The following COLEC12 variants were observed in gnomAD, a reference collection of about 807,000 sequenced individuals.
COLEC12 encodes collectin subfamily member 12, also known as collectin-12.
In COLEC12, 33 loss-of-function variants were observed where a neutral mutation model predicts 71.1. The ratio of observed to expected loss-of-function variants is 0.46; its 90% CI spans 0.35 to 0.62. The LOEUF (loss-of-function observed/expected upper bound fraction) is 0.62. COLEC12 is among the 20% of genes least tolerant of loss of function. The pLI, the probability that COLEC12 is intolerant of heterozygous loss-of-function variation, is 0.00. For missense variants in COLEC12, 765 were observed against 916.1 expected, an observed-to-expected ratio of 0.84 and a Z score of 2.13; for synonymous variants, 350 against 353.0, an observed-to-expected ratio of 0.99 and a Z score of 0.10.
chr18:368,929 T>C (rs1914932402), intron 2 of COLEC12, among the ~76,000 whole-genome samples: 1 of 152,096 alleles, frequency 6.6e-6, no homozygotes, highest in African/African-American at 2.4e-5. Flanking sequence ...CAATTTCCCA[T>C]GGGTTTATCA....
rs892773796 is a variant in COLEC12 at position 327,416 on chromosome 18, C to A, written c.2063+4252G>T. ...GGACCCATCCTTGGAACTGTCCGGG[C>A]CATTGCAGGTGGCATCTCACGCCAC... is the stretch of plus-strand genomic sequence containing the variant. On this transcript the variant is annotated intron_variant, in intron 8 of 9. Coordinates refer to ENST00000400256, the MANE Select transcript of COLEC12 (RefSeq NM_130386.3). This position sits in a 1 kb window ranked among gnomAD's most constrained non-coding sequence, Gnocchi z 4.0. 6.6e-6 allele frequency among the ~76,000 whole-genome samples: 1 copy of A among 152,106 alleles called. No individual in the cohort carries two copies. Among genetic ancestry groups the A allele is most frequent in the Non-Finnish European group, 1.5e-5 (1 of 68,032 alleles).
intron 2 of COLEC12, among the ~76,000 whole-genome samples, chr18:456,511 G>A (rs545751640): frequency 1.2e-3 from 188 of 152,248 alleles, no homozygotes; most frequent in African/African-American, 4.2e-3. Context: ...CTCCAGTGCC[G>A]GAACAGCAGG....
At chr18:351,439 C>G (rs1281067641) in intron 3 of COLEC12, among the ~76,000 whole-genome samples, 3 of 152,126 alleles carry the variant, frequency 2.0e-5, no homozygotes, top group Non-Finnish European at 2.9e-5. Context: ...CTGCACTGTG[C>G]TGTCATGACT....
chr18:416,919 T>C (rs1245683803), intron 2 of COLEC12, among the ~76,000 whole-genome samples: 1 of 151,856 alleles, frequency 6.6e-6, no homozygotes, highest in Non-Finnish European at 1.5e-5. Flanking sequence ...GGAAGGGCAT[T>C]CCAGGCAGAG....
At chr18:421,229 A>G (rs9652947) in intron 2 of COLEC12, among the ~76,000 whole-genome samples, 35,871 of 152,166 alleles carry the variant, frequency 0.24, 4,543 homozygotes, top group Middle Eastern at 0.32. Context: ...GATATAAACC[A>G]AATATGTTTT....
intron 9 of COLEC12, among the ~76,000 whole-genome samples, chr18:320,812 C>T (rs1432108323): frequency 6.6e-6 from 1 of 152,184 alleles, no homozygotes; most frequent in Non-Finnish European, 1.5e-5. Flanking sequence ...AACTAAGATG[C>T]CACATTCCAA....
At chr18:472,111 A>G (rs1598375909) in intron 2 of COLEC12, among the ~76,000 whole-genome samples, 1 of 152,094 alleles carries the variant, frequency 6.6e-6, no homozygotes, top group East Asian at 1.9e-4. Flanking sequence ...TCTCACAAGA[A>G]CCCTACAGGC....
At chr18:430,172 T>C (rs1916275373) in intron 2 of COLEC12, among the ~76,000 whole-genome samples, 1 of 152,038 alleles carries the variant, frequency 6.6e-6, no homozygotes, top group African/African-American at 2.4e-5. Flanking sequence ...ACCCTGTCCC[T>C]ACTGAATACA....
chr18:358,201 T>C lies in COLEC12; in HGVS notation c.59-679A>G, dbSNP rs971401966. On this transcript the variant is annotated intron_variant, in intron 2 of 9. Transcript: ENST00000400256. ...AAGGTAGGGGACCACTGTCCTAGAG[T>C]GTACTTACACAGTCCTAGATGGTAT... Among the ~76,000 whole-genome samples the C allele has an allele frequency of 3.3e-5, 5 of 152,230 alleles. No homozygotes were observed. In the South Asian group the frequency reaches 8.3e-4, roughly 25 times the overall value.
chr18:469,124 G>A (rs1365328082), intron 2 of COLEC12, among the ~76,000 whole-genome samples: 1 of 152,230 alleles, frequency 6.6e-6, no homozygotes. Flanking sequence ...CAAAGGAAAG[G>A]GACTTCATAC....
rs535032942 is a variant in COLEC12 at position 484,750 on chromosome 18, C to A, written c.8-3993G>T. On this transcript the variant is annotated intron_variant, in intron 1 of 9. Transcript: ENST00000400256. ...GTTTTCAAAAGTTGACTTTAGAATC[C>A]TCTTTTGCTACCCTTAAGAGTTGGG... Among the ~76,000 whole-genome samples the A allele has an allele frequency of 2.0e-5, 3 of 152,294 alleles. No homozygotes were observed. The East Asian group carries it at 5.8e-4, about 29-fold the overall frequency.
In COLEC12 at chr18:355,793, G is replaced by A. The variant is rs145410265; in HGVS notation, c.181+1607C>T. ...TAAACAAAAGGAAGAGAGATAGTCC[G>A]GATTACCTGGGACATGGAAAACCCT... On this transcript the variant is annotated intron_variant, in intron 3 of 9. Coordinates refer to ENST00000400256, the MANE Select transcript of COLEC12 (RefSeq NM_130386.3). Among the ~76,000 whole-genome samples, 17 of 152,246 alleles carry A rather than the reference G, an allele frequency of 1.1e-4. No homozygotes were observed. In the East Asian group the frequency reaches 1.4e-3, roughly 12 times the overall value.
At chr18:379,675 T>C (rs1915189950) in intron 2 of COLEC12, among the ~76,000 whole-genome samples, 1 of 152,028 alleles carries the variant, frequency 6.6e-6, no homozygotes, top group South Asian at 2.1e-4. Flanking sequence ...TTCTGACAAG[T>C]GATTTAGAGT....
chr18:366,147 A>C (rs1402990424), intron 2 of COLEC12, among the ~76,000 whole-genome samples: 1 of 152,224 alleles, frequency 6.6e-6, no homozygotes, highest in African/African-American at 2.4e-5. Flanking sequence ...CTTATATTCC[A>C]GTGGGAGGAT....
chr18:485,412 G>C (rs191787659), intron 1 of COLEC12, among the ~76,000 whole-genome samples: 18 of 152,320 alleles, frequency 1.2e-4, no homozygotes, highest in Admixed American at 1.2e-3. Flanking sequence ...TCTGTCTGCG[G>C]GGAAGAAGCA....
chr18:341,929 T>A (rs1219117083), intron 5 of COLEC12, among the ~76,000 whole-genome samples: 1 of 152,232 alleles, frequency 6.6e-6, no homozygotes, highest in Admixed American at 6.5e-5. Flanking sequence ...GATGCTTTCC[T>A]TAGCTTGCAG....
intron 2 of COLEC12, among the ~76,000 whole-genome samples, chr18:440,568 T>C (rs984395462): frequency 6.6e-6 from 1 of 152,128 alleles, no homozygotes. Context: ...ATAGCACATA[T>C]AGCAACAATA....
At chr18:493,005 C>T (rs548025770) in intron 1 of COLEC12, among the ~76,000 whole-genome samples, 10 of 152,186 alleles carry the variant, frequency 6.6e-5, no homozygotes, top group Admixed American at 2.0e-4. Context: ...GAGTTTGAGA[C>T]GAGCCTGAGC....
At chr18:370,984 C>T (rs1373270921) in intron 2 of COLEC12, among the ~76,000 whole-genome samples, 1 of 152,184 alleles carries the variant, frequency 6.6e-6, no homozygotes, top group African/African-American at 2.4e-5. Flanking sequence ...AATGTTCGTT[C>T]CTAAATGAAG....
Sources: gnomAD v4.1 joint callset for allele counts (sites outside exome capture counted in the v4.1 genomes callset) on GRCh38, gnomAD v4.1.1 for gene constraint, Gnocchi (gnomAD v3.1) non-coding constraint, MANE v1.5 for transcripts, NCBI Gene and HGNC (gene_info 2026-07-23, HGNC 2026-07-21) for gene names.